The following BNC2 variants were observed in gnomAD, a reference collection of about 807,000 sequenced individuals.
BNC2 encodes the protein zinc finger protein basonuclin-2.
Under a neutral mutation model 76.3 loss-of-function variants are expected in BNC2, and 20 were observed. The observed-to-expected ratio is 0.26, with a 90% confidence interval of 0.18 to 0.38. The LOEUF is 0.38. Ranked by LOEUF, BNC2 falls within the 10% of genes least tolerant of loss-of-function variation. The pLI is 1.00. For missense variants in BNC2, 1,382 were observed against 1,399.8 expected (o/e 0.99, Z 0.20); for synonymous variants, 582 against 514.8 (o/e 1.13, Z -1.77).
intron 1 of BNC2, among the ~76,000 whole-genome samples, chr9:16,827,656 G>T (rs1216471135): frequency 6.6e-6 from 1 of 152,174 alleles, no homozygotes; most frequent in African/African-American, 2.4e-5. Flanking sequence ...TGGAATTTGT[G>T]AGTACTGGTG....
At chr9:16,513,600 G>C (rs887758316) in intron 5 of BNC2, among the ~76,000 whole-genome samples, 5 of 152,146 alleles carry the variant, frequency 3.3e-5, no homozygotes, top group Non-Finnish European at 7.4e-5. Context: ...CACCGCGCCA[G>C]GCCGAAAAGG....
intron 1 of BNC2, among the ~76,000 whole-genome samples, chr9:16,829,324 C>A (rs550301434): frequency 6.2e-4 from 95 of 152,294 alleles, no homozygotes; most frequent in African/African-American, 2.3e-3. Flanking sequence ...CTGGCCCCTA[C>A]TCACCCTTTA....
At chr9:16,487,881 G>C (rs922269982) in intron 5 of BNC2, among the ~76,000 whole-genome samples, 2 of 152,172 alleles carry the variant, frequency 1.3e-5, no homozygotes, top group African/African-American at 4.8e-5. Flanking sequence ...AGCAACCCAT[G>C]AGGAAGCCAC....
chr9:16,698,986 T>A (rs1372120310), intron 3 of BNC2, among the ~76,000 whole-genome samples: 1 of 152,238 alleles, frequency 6.6e-6, no homozygotes, highest in Non-Finnish European at 1.5e-5. Context: ...GTTTTAAAAC[T>A]ATTAAAAATT....
intron 3 of BNC2, among the ~76,000 whole-genome samples, chr9:16,654,197 CCTCT>C (rs1821866764): frequency 6.6e-6 from 1 of 152,062 alleles, no homozygotes; most frequent in Non-Finnish European, 1.5e-5. Context: ...TATTTTTTGT[CCTCT>C]CTTTTGGTTT....
At chr9:16,588,564 C>G (rs1041665166) in intron 3 of BNC2, among the ~76,000 whole-genome samples, 6 of 151,706 alleles carry the variant, frequency 4.0e-5, no homozygotes, top group African/African-American at 1.5e-4. Context: ...CTAAAGAAAA[C>G]TTACAATAAA....
intron 1 of BNC2, among the ~76,000 whole-genome samples, chr9:16,766,475 G>T (rs1482639403): frequency 6.6e-6 from 1 of 152,022 alleles, no homozygotes; most frequent in Non-Finnish European, 1.5e-5. Context: ...TACTGGGATG[G>T]GAACCCAGTT....
intron 1 of BNC2, among the ~76,000 whole-genome samples, chr9:16,825,040 C>T (rs907159483): frequency 1.3e-5 from 1 of 76,108 alleles, no homozygotes; most frequent in Non-Finnish European, 3.2e-5. Context: ...TTTTTCTTAC[C>T]CCTCTTTTTT....
chr9:16,734,557 G>A (rs753454353), intron 2 of BNC2, among the ~76,000 whole-genome samples: 1 of 152,132 alleles, frequency 6.6e-6, no homozygotes, highest in Non-Finnish European at 1.5e-5. Flanking sequence ...CATACAGAAG[G>A]CTTCATCAAA....
chr9:16,523,502 A>AAAC (rs59305484), intron 5 of BNC2, among the ~76,000 whole-genome samples: 1 of 151,508 alleles, frequency 6.6e-6, no homozygotes, highest in African/African-American at 2.4e-5. Flanking sequence ...ACAAAAAAAA[A>AAAC]CAATTAATGT....
chr9:16,454,546 C>A (rs1821408072), intron 5 of BNC2, among the ~76,000 whole-genome samples: 1 of 152,168 alleles, frequency 6.6e-6, no homozygotes, highest in African/African-American at 2.4e-5. Context: ...TCAAGTAATC[C>A]TCCTGCCTCA....
At chr9:16,484,554 G>A (rs565283886) in intron 5 of BNC2, among the ~76,000 whole-genome samples, 10 of 152,144 alleles carry the variant, frequency 6.6e-5, no homozygotes, top group African/African-American at 1.9e-4. Context: ...ATCTTATTTC[G>A]GGATTAATTA....
intron 3 of BNC2, among the ~76,000 whole-genome samples, chr9:16,691,612 C>T (rs1394702711): frequency 6.8e-6 from 1 of 146,092 alleles, no homozygotes; most frequent in Non-Finnish European, 1.5e-5. Flanking sequence ...TGGGTTCAAG[C>T]GATTCTTCTG....
At chr9:16,459,416 C>G (rs1821526046) in intron 5 of BNC2, among the ~76,000 whole-genome samples, 1 of 152,140 alleles carries the variant, frequency 6.6e-6, no homozygotes, top group Non-Finnish European at 1.5e-5. Context: ...TAGGGTAAAG[C>G]TCTCTGCAAA....
intron 1 of BNC2, among the ~76,000 whole-genome samples, chr9:16,839,981 T>G (rs1818790072): frequency 6.6e-6 from 1 of 152,200 alleles, no homozygotes. Flanking sequence ...AGGATTCTCT[T>G]CTCAATAGCC....
intron 5 of BNC2, among the ~76,000 whole-genome samples, chr9:16,500,656 G>A (rs1433844424): frequency 1.3e-5 from 2 of 152,166 alleles, no homozygotes; most frequent in Non-Finnish European, 2.9e-5. Context: ...AAAGAATTTA[G>A]TTTTTCAGGG....
In BNC2 at chr9:16,726,557, TTTA is replaced by T. The variant is rs763142294; in HGVS notation, c.330+1237_330+1239del. Among the ~76,000 whole-genome samples the T allele has an allele frequency of 3.5e-3, 83 of 23,840 alleles. 1 individual carries two copies. The highest frequency in any genetic ancestry group is 0.016 in the South Asian group (12 of 772). 15.6% of individuals were successfully genotyped at this position (23,840 alleles called of 152,430 possible). ...CGTGAACTCTTACAAACAAAAGCTTTTTAAAAAAAAAAAAAAAAAAAGCAGTTG... is the reference window on the plus strand; with the variant it reads ...CGTGAACTCTTACAAACAAAAGCTTTAAAAAAAAAAAAAAAAAAGCAGTTG... On this transcript the variant is annotated intron_variant, in intron 3 of 6. Transcript: ENST00000380672.
At position 16,419,194 on chromosome 9, in the gene BNC2, T is replaced by C. The variant is rs766769136; in HGVS notation, c.3095A>G (p.Asn1032Ser). Residue 1032 changes from asparagine (N) to serine (S), a missense_variant, in exon 7 of 7, where the codon AAT (asparagine) becomes AGT (serine). Coordinates refer to ENST00000380672, the MANE Select transcript of BNC2 (RefSeq NM_017637.6). ...GCAAATGTTGCACATGATCCCACCA[T>C]TGCTCCCAGACAAGCTGCTGAACAT... ...SLMFSSLSGS[N>S]GGIMCNICHK... The C allele has an allele frequency of 1.4e-5, 22 of 1,614,074 alleles. No individual in the cohort carries two copies. Among genetic ancestry groups the C allele is most frequent in the South Asian group, 1.2e-4 (11 of 91,086 alleles).
intron 1 of BNC2, among the ~76,000 whole-genome samples, chr9:16,783,384 T>C (rs963097533): frequency 6.6e-6 from 1 of 152,128 alleles, no homozygotes; most frequent in Admixed American, 6.5e-5. Context: ...CAAAATCTGA[T>C]TTCCAGGACA....
Sources: allele counts gnomAD v4.1 joint callset (sites outside exome capture counted in the v4.1 genomes callset), GRCh38; gene constraint gnomAD v4.1.1; transcripts MANE v1.5; gene names NCBI Gene and HGNC (gene_info 2026-07-23, HGNC 2026-07-21).